The following RNF175 variants were observed in gnomAD, a reference collection of about 807,000 sequenced individuals.
The protein encoded by RNF175 is ring finger protein 175.
RNF175 carries 38 observed loss-of-function variants against 50.0 expected under a neutral mutation model. That is an observed-to-expected ratio of 0.76 (90% CI 0.59 to 1.00). The LOEUF is 1.00. RNF175 is among the 50% of genes least tolerant of loss of function. The pLI is 0.00. For missense variants in RNF175, 388 were observed against 409.6 expected, an observed-to-expected ratio of 0.95 and a Z score of 0.46; for synonymous variants, 155 against 146.1, an observed-to-expected ratio of 1.06 and a Z score of -0.44.
intron 3 of RNF175, among the ~76,000 whole-genome samples, chr4:153,746,126 C>T (rs1739956111): frequency 6.6e-6 from 1 of 152,222 alleles, no homozygotes; most frequent in African/African-American, 2.4e-5. Context: ...AGCTGTGAGC[C>T]TGTGAAATTA....
In RNF175 at chr4:153,717,013, C is replaced by T. The variant is rs140636115; in HGVS notation, c.631-1351G>A. Among the ~76,000 whole-genome samples, 793 of 152,316 alleles carry T rather than the reference C, an allele frequency of 5.2e-3. 5 individuals are homozygous for T. Among genetic ancestry groups the T allele is most frequent in the African/African-American group, 0.017 (713 of 41,558 alleles). On this transcript the variant is annotated intron_variant, in intron 6 of 8. Transcript: ENST00000347063. ...AACTGACTCTAAAATGTAATCATCA[C>T]AACCTCGTTAAGGGAGGAGAATTTA...
At chr4:153,720,433 T>G in intron 5 of RNF175, 129 bp from the exon 6 acceptor site, 2 of 666,610 alleles carry the variant, frequency 3.0e-6, no homozygotes, top group South Asian at 4.2e-5. Flanking sequence ...TTTATGTGTT[T>G]GATTTTTCTT....
chr4:153,722,128 G>A (rs1738377214), intron 5 of RNF175, among the ~76,000 whole-genome samples: 1 of 152,144 alleles, frequency 6.6e-6, no homozygotes, highest in Non-Finnish European at 1.5e-5. Context: ...TGATGTGAGA[G>A]CTATTCTGGG....
At chr4:153,718,789 G>A (rs897844590) in intron 6 of RNF175, among the ~76,000 whole-genome samples, 62 of 152,052 alleles carry the variant, frequency 4.1e-4, no homozygotes, top group Non-Finnish European at 7.2e-4. Flanking sequence ...CACAGAATTT[G>A]GGCTGCAGGC....
rs185050462 is a variant in RNF175, at chr4:153,733,613, C to T, written c.247-5252G>A. Among the ~76,000 whole-genome samples the T allele has an allele frequency of 2.3e-3, 352 of 152,242 alleles. 5 individuals are homozygous for T. Among genetic ancestry groups the T allele is most frequent in the African/African-American group, 6.9e-3 (288 of 41,536 alleles). ...TTTCCAAAGTTACTTAAAGAGGGGG[C>T]GATACTTTTCCCCTCTCTACCCTTC... is the stretch of plus-strand genomic sequence containing the variant. On this transcript the variant is annotated intron_variant, in intron 3 of 8. Transcript: ENST00000347063.
At chr4:153,732,943 T>C (rs1329452482) in intron 3 of RNF175, among the ~76,000 whole-genome samples, 1 of 152,226 alleles carries the variant, frequency 6.6e-6, no homozygotes, top group Non-Finnish European at 1.5e-5. Flanking sequence ...TTTAGTAGTA[T>C]CCCACATGAA....
chr4:153,757,746 C>G (rs1055307041), intron 1 of RNF175, among the ~76,000 whole-genome samples: 4 of 151,706 alleles, frequency 2.6e-5, no homozygotes. Context: ...ACTCCTAAAC[C>G]CATGGTCTCT....
intron 1 of RNF175, 38 bp downstream of exon 1, chr4:153,759,759 G>A: frequency 7.2e-7 from 1 of 1,387,488 alleles, no homozygotes; most frequent in Non-Finnish European, 9.6e-7. Flanking sequence ...CGGGACCCCG[G>A]CCTGGCGTCC....
At chr4:153,723,712 T>G (rs1000269083) in intron 4 of RNF175, among the ~76,000 whole-genome samples, 1 of 152,212 alleles carries the variant, frequency 6.6e-6, no homozygotes, top group Admixed American at 6.5e-5. Flanking sequence ...ACGTCCCTCA[T>G]GTGCTTCACT....
chr4:153,728,094 C>CGTAAAAGAAAT, intron 4 of RNF175, 113 bp downstream of exon 4: 1 of 642,128 alleles, frequency 1.6e-6, no homozygotes. Flanking sequence ...GTAAAAGACA[C>CGTAAAAGAAAT]GTAAAAGAAA....
rs866963367 is a variant in RNF175 at position 153,710,481 on chromosome 4, C to A, written c.875G>T (p.Arg292Leu). 1.9e-6 allele frequency: 3 copies of A among 1,608,440 alleles called. No individual in the cohort carries two copies. The change falls in exon 9 of 9, where the codon CGC (arginine) becomes CTC (leucine). Residue 292 changes from arginine (R) to leucine (L), a missense_variant. Transcript: ENST00000347063. ...LKRMISNPWE[R>L]THFLYGQILD... is the part of the protein sequence containing the mutation. ...GATTTGTCCATACAGAAAATGTGTG[C>A]GCTCCCAGCTAAATCTCAGTTAAGG...
rs956454237 is a variant in RNF175, at chr4:153,747,029, T to C, written c.246+1616A>G. Among the ~76,000 whole-genome samples, 5 of 152,332 alleles carry C rather than the reference T, an allele frequency of 3.3e-5. No individual in the cohort carries two copies. In the South Asian group the frequency reaches 1.0e-3, roughly 32 times the overall value. On this transcript the variant is annotated intron_variant, in intron 3 of 8. Transcript: ENST00000347063. Reference sequence around the variant, plus strand: ...AGAGTCCTGAGGTGGCCCTGCTCACTGGTCCTGTGTAGGGTACAATGGGGA... The same window carrying C: ...AGAGTCCTGAGGTGGCCCTGCTCACCGGTCCTGTGTAGGGTACAATGGGGA...
chr4:153,755,839 A>G (rs1490241034), intron 1 of RNF175, among the ~76,000 whole-genome samples: 1 of 152,240 alleles, frequency 6.6e-6, no homozygotes, highest in African/African-American at 2.4e-5. Flanking sequence ...ATATATCTAC[A>G]TAAAAGAATC....
At chr4:153,756,030 C>G (rs1405395418) in intron 1 of RNF175, among the ~76,000 whole-genome samples, 2 of 152,126 alleles carry the variant, frequency 1.3e-5, no homozygotes, top group African/African-American at 2.4e-5. Context: ...GAGTGGCTCC[C>G]AAGACATTAA....
At chr4:153,759,653 G>T in intron 1 of RNF175, 144 bp downstream of exon 1, 2 of 516,970 alleles carry the variant, frequency 3.9e-6, no homozygotes, top group Non-Finnish European at 6.6e-6. Context: ...AAGGTCATGC[G>T]TCCGTCCCCA....
intron 1 of RNF175, among the ~76,000 whole-genome samples, chr4:153,754,741 A>T (rs1323316205): frequency 3.9e-5 from 6 of 152,204 alleles, no homozygotes. Flanking sequence ...ACAGACACAG[A>T]ATAGCAAGGC....
At position 153,710,430 on chromosome 4, in the gene RNF175, G is replaced by A. The variant is rs1311970979; in HGVS notation, c.926C>T (p.Ala309Val). Residue 309 changes from alanine (A) to valine (V), a missense_variant, in exon 9 of 9, where the codon GCC becomes GTC. Coordinates refer to ENST00000347063, the MANE Select transcript of RNF175 (RefSeq NM_173662.4). ...QILDWLRYLV[A>V]WQPVVIGIVQ... ...TATTCCTATCACCACAGGTTGCCAG[G>A]CCACCAAATAACGAAGCCAATCCAG... 1 of 1,592,694 alleles carries A rather than the reference G, an allele frequency of 6.3e-7. No homozygotes were observed. Among genetic ancestry groups the A allele is most frequent in the East Asian group, 2.2e-5 (1 of 44,456 alleles).
At chr4:153,734,794 G>C (rs1739262672) in intron 3 of RNF175, among the ~76,000 whole-genome samples, 1 of 145,018 alleles carries the variant, frequency 6.9e-6, no homozygotes, top group East Asian at 2.1e-4. Flanking sequence ...TCCTGCCTCA[G>C]CCTCCCGAGT....
intron 1 of RNF175, among the ~76,000 whole-genome samples, chr4:153,754,765 G>T (rs555414767): frequency 6.6e-6 from 1 of 152,120 alleles, no homozygotes; most frequent in Non-Finnish European, 1.5e-5. Flanking sequence ...GTAGATGGCC[G>T]TGTGAAGACA....
Sources: allele counts gnomAD v4.1 joint callset (sites outside exome capture counted in the v4.1 genomes callset), GRCh38; gene constraint gnomAD v4.1.1; transcripts MANE v1.5; gene names NCBI Gene and HGNC (gene_info 2026-07-23, HGNC 2026-07-21).